CA6: variants seen among roughly 807,000 people sequenced by gnomAD.
The protein encoded by CA6 is carbonate dehydratase VI.
In CA6, 28 loss-of-function variants were observed where a neutral mutation model predicts 35.9. The ratio of observed to expected loss-of-function variants is 0.78; its 90% confidence interval spans 0.58 to 1.07. The LOEUF (loss-of-function observed/expected upper bound fraction) is 1.07, where lower values mean the gene tolerates loss of function less well. Among genes scored for constraint, CA6 ranks in the 50% least tolerant of loss-of-function variants. The pLI, the probability that CA6 is intolerant of heterozygous loss-of-function variation, is 0.00. For synonymous variants in CA6, 148 were observed against 152.6 expected (o/e 0.97, Z 0.22); for missense variants, 377 against 382.0 (o/e 0.99, Z 0.11).
At chr1:8,960,444 A>G (rs181191480) in intron 4 of CA6, among the ~76,000 whole-genome samples, 2 of 152,092 alleles carry the variant, frequency 1.3e-5, no homozygotes, top group Non-Finnish European at 2.9e-5. Flanking sequence ...ATGAAAGGAA[A>G]CTATGTTCAA....
rs59202016 is a variant in CA6, at chr1:8,973,798, C to CCT, written c.845-803_845-802dup. Reference sequence around the variant, plus strand: ...TTTCTTTCTTTCTTTTCCCTCCCTCCCTCTCTCTCTCTCTCTCTCTCTTTC... The same window carrying CCT: ...TTTCTTTCTTTCTTTTCCCTCCCTCCCTCTCTCTCTCTCTCTCTCTCTCTTTC... On this transcript the variant is annotated intron_variant, in intron 7 of 7. Transcript: ENST00000377443. 2.9e-3 allele frequency among the ~76,000 whole-genome samples: 343 copies of CCT among 119,736 alleles called. 17 individuals are homozygous for CCT. The highest frequency in any genetic ancestry group is 8.0e-3 in the Middle Eastern group (2 of 250). The allele number at this position is 119,736 out of a possible 152,430, so 78.6% of individuals were successfully genotyped here.
At chr1:8,947,558 A>G (rs1404409446) in intron 1 of CA6, among the ~76,000 whole-genome samples, 1 of 152,096 alleles carries the variant, frequency 6.6e-6, no homozygotes, top group Admixed American at 6.5e-5. Flanking sequence ...CACTTGGCCA[A>G]GCAGTGCAGG....
intron 4 of CA6, 103 bp downstream of exon 4, chr1:8,959,105 A>T: frequency 1.4e-6 from 1 of 706,184 alleles, no homozygotes; most frequent in Non-Finnish European, 2.5e-6. Context: ...ATCACTCTTC[A>T]TCTTTTCCTG....
At chr1:8,947,244 G>A (rs1382595234) in intron 1 of CA6, among the ~76,000 whole-genome samples, 6 of 152,102 alleles carry the variant, frequency 3.9e-5, no homozygotes, top group African/African-American at 1.5e-4. Flanking sequence ...AGTGAGGAGA[G>A]CTTCTTCCCG....
At position 8,946,805 on chromosome 1, in the gene CA6, G is replaced by GT. The variant is rs60046591; in HGVS notation, c.79+856dup. ...CAAAATGAGAGGTGTTTTTTTTTTT[G>GT]TTTTTTTTTTTTTTTTGAGACAGAG... On this transcript the variant is annotated intron_variant, in intron 1 of 7. Coordinates refer to ENST00000377443, the MANE Select transcript of CA6 (RefSeq NM_001215.4). Among the ~76,000 whole-genome samples, 674 of 101,972 alleles carry GT rather than the reference G, an allele frequency of 6.6e-3. 11 individuals carry two copies. Among genetic ancestry groups the GT allele is most frequent in the African/African-American group, 0.013 (334 of 25,722 alleles). The allele number at this position is 101,972 out of a possible 152,430, so 66.9% of individuals were successfully genotyped here. A position where few individuals can be genotyped will look rare whatever the true frequency, so the allele number is the denominator to read the frequency against.
At chr1:8,953,518 T>C (rs1239800812) in intron 2 of CA6, among the ~76,000 whole-genome samples, 1 of 152,024 alleles carries the variant, frequency 6.6e-6, no homozygotes, top group African/African-American at 2.4e-5. Flanking sequence ...ACATAGGAGG[T>C]TGAGGTGCGA....
At chr1:8,966,499 A>G (rs2124182231) in intron 5 of CA6, among the ~76,000 whole-genome samples, 1 of 152,310 alleles carries the variant, frequency 6.6e-6, no homozygotes, top group Non-Finnish European at 1.5e-5. Context: ...TAAATATATT[A>G]GAGTTACAAA....
At chr1:8,973,518 C>T (rs1009381815) in intron 7 of CA6, among the ~76,000 whole-genome samples, 1 of 152,168 alleles carries the variant, frequency 6.6e-6, no homozygotes, top group African/African-American at 2.4e-5. Flanking sequence ...TGAGGTATTC[C>T]ATGCTGTGAT....
At position 8,967,245 on chromosome 1, in the gene CA6, A is replaced by G. The variant is rs1342196434; in HGVS notation, c.572-414A>G. Among the ~76,000 whole-genome samples, 3 of 152,130 alleles carry G rather than the reference A, an allele frequency of 2.0e-5. No homozygotes were observed. In the East Asian group the frequency reaches 5.8e-4, roughly 29 times the overall value. ...GGGGCCATATTTATTTCTTTCATTGATCATAAAATGTGTCCTCTGCCTAGC... is the reference window on the plus strand; with the variant it reads ...GGGGCCATATTTATTTCTTTCATTGGTCATAAAATGTGTCCTCTGCCTAGC... On this transcript the variant is annotated intron_variant, in intron 5 of 7. Transcript: ENST00000377443.
At chr1:8,970,205 CAAAA>C (rs57388930) in intron 6 of CA6, among the ~76,000 whole-genome samples, 4 of 88,036 alleles carry the variant, frequency 4.5e-5, no homozygotes, top group Non-Finnish European at 4.6e-5. Flanking sequence ...ACTCTGGTCT[CAAAA>C]AAAAAAAAAA....
intron 3 of CA6, among the ~76,000 whole-genome samples, chr1:8,958,675 C>T (rs1377653108): frequency 1.3e-5 from 2 of 152,208 alleles, no homozygotes; most frequent in Non-Finnish European, 2.9e-5. Flanking sequence ...GAAATGGCCT[C>T]GAACTGCCAT....
In CA6 at chr1:8,963,717, T is replaced by C. The variant is rs893737918; in HGVS notation, c.571+1061T>C. Among the ~76,000 whole-genome samples the C allele has an allele frequency of 6.6e-6, 1 of 152,046 alleles. No individual in the cohort carries two copies. The highest frequency in any genetic ancestry group is 1.5e-5 in the Non-Finnish European group (1 of 68,006). The stretch of plus-strand genomic sequence containing the variant: ...ACCATGCTTGGCTGGTTTTTTTGTA[T>C]TTTCAGTAGAGACAGGGTCTCACCA... On this transcript the variant is annotated intron_variant, in intron 5 of 7. Transcript: ENST00000377443. This position sits in a 1 kb window ranked among gnomAD's most constrained non-coding sequence, Gnocchi z 4.1.
In CA6 at chr1:8,962,644, A is replaced by T. The variant is rs755381499; in HGVS notation, c.559A>T (p.Ile187Phe). Residue 187 changes from isoleucine to phenylalanine, a missense_variant, in exon 5 of 8, where the codon ATC becomes TTC. By Grantham distance (21) the Ile-to-Phe change is conservative. Coordinates refer to ENST00000377443, the MANE Select transcript of CA6 (RefSeq NM_001215.4). Reference protein sequence around the residue: ...YSNFISHLANIKYPGQRTTLT... With the variant: ...YSNFISHLANFKYPGQRTTLT... ...CAACTTCATTTCTCATCTGGCCAAC[A>T]TCAAGTACCCAGGTAAGGGAAGCCA... 5 of 1,613,704 alleles carry T rather than the reference A, an allele frequency of 3.1e-6. No individual in the cohort carries two copies. The highest frequency in any genetic ancestry group is 1.1e-5 in the South Asian group (1 of 91,082).
intron 2 of CA6, among the ~76,000 whole-genome samples, chr1:8,949,821 T>C (rs1488025934): frequency 6.6e-6 from 1 of 152,078 alleles, no homozygotes; most frequent in Non-Finnish European, 1.5e-5. Context: ...ATTGAGTCTA[T>C]TCAGCTCAAA....
At chr1:8,950,964 C>T (rs951361357) in intron 2 of CA6, among the ~76,000 whole-genome samples, 3 of 152,128 alleles carry the variant, frequency 2.0e-5, no homozygotes, top group Admixed American at 6.5e-5. Flanking sequence ...GCCTGTAATC[C>T]CAGCACTTTG....
chr1:8,958,129 C>A (rs578163961), intron 3 of CA6, among the ~76,000 whole-genome samples: 1 of 152,158 alleles, frequency 6.6e-6, no homozygotes, highest in South Asian at 2.1e-4. Flanking sequence ...GTGTGGCAAG[C>A]CCTCCTTTGT....
Position 8,974,795 on chromosome 1 carries a change from T to C in CA6, c.*91T>C. 1 of 690,458 alleles carries C rather than the reference T, an allele frequency of 1.4e-6. No homozygotes were observed. 42.8% of individuals were successfully genotyped at this position (690,458 alleles called of 1,614,324 possible). A position where few individuals can be genotyped will look rare whatever the true frequency, so the allele number is the denominator to read the frequency against. On this transcript the variant is annotated 3_prime_UTR_variant, in exon 8 of 8. Transcript: ENST00000377443. Reference sequence around the variant, plus strand: ...CGCTGCAGCCGCACCCTACCTTGTCTAAGAAACCATGTGTGTCTGGAACAC... The same window carrying C: ...CGCTGCAGCCGCACCCTACCTTGTCCAAGAAACCATGTGTGTCTGGAACAC...
At chr1:8,953,467 A>C (rs1639592939) in intron 2 of CA6, among the ~76,000 whole-genome samples, 1 of 152,168 alleles carries the variant, frequency 6.6e-6, no homozygotes, top group African/African-American at 2.4e-5. Flanking sequence ...AGTAATAAAA[A>C]AATTAGCCTG....
chr1:8,959,071 T>C, intron 4 of CA6, 69 bp downstream of exon 4: 1 of 903,628 alleles, frequency 1.1e-6, no homozygotes, highest in South Asian at 1.4e-5. Flanking sequence ...AGGTGTGAAG[T>C]CTAGTTGAAC....
Sources: allele counts gnomAD v4.1 joint callset (sites outside exome capture counted in the v4.1 genomes callset), GRCh38; gene constraint gnomAD v4.1.1; non-coding constraint Gnocchi (gnomAD v3.1); transcripts MANE v1.5; gene names NCBI Gene and HGNC (gene_info 2026-07-23, HGNC 2026-07-21).